The following HEBP1 variants were observed in gnomAD, a reference collection of about 807,000 sequenced individuals.
HEBP1 encodes heme-binding protein 1.
HEBP1 carries 13 observed loss-of-function variants against 20.4 expected under a neutral mutation model. The observed-to-expected ratio is 0.64, with a 90% confidence interval of 0.42 to 1.01. HEBP1 has a LOEUF of 1.01. HEBP1 is among the 50% of genes least tolerant of loss of function. The pLI is 0.00. For synonymous variants in HEBP1, 92 were observed against 90.7 expected, an observed-to-expected ratio of 1.01 and a Z score of -0.08; for missense variants, 241 against 247.3, an observed-to-expected ratio of 0.97 and a Z score of 0.17.
chr12:12,987,481 G>A (rs1864166584), intron 2 of HEBP1, 149 bp from the exon 3 acceptor site: 1 of 622,338 alleles, frequency 1.6e-6, no homozygotes, highest in South Asian at 2.2e-5. Flanking sequence ...TAAAAATACA[G>A]AAATACATGA....
At position 12,996,835 on chromosome 12, in the gene HEBP1, GTT is replaced by G. The variant is rs989948927; in HGVS notation, c.78+3200_78+3201del. ...TCCAACCAAGTACTAACATTGAACA[GTT>G]TTATAATTGGTTATCTCATTTGAAC... On this transcript the variant is annotated intron_variant, in intron 1 of 3. Transcript: ENST00000014930. The surrounding 1 kb of genome is among the most constrained non-coding windows in gnomAD (Gnocchi z 4.1). Among the ~76,000 whole-genome samples the G allele has an allele frequency of 2.6e-5, 4 of 152,090 alleles. No individual in the cohort carries two copies. Among genetic ancestry groups the G allele is most frequent in the African/African-American group, 9.7e-5 (4 of 41,404 alleles).
Position 12,983,118 on chromosome 12 carries a change from A to G in HEBP1, c.398+4034T>C, listed in dbSNP as rs545536884. 5.3e-5 allele frequency among the ~76,000 whole-genome samples: 8 copies of G among 152,338 alleles called. No individual in the cohort carries two copies. In the East Asian group the frequency reaches 1.5e-3, roughly 29 times the overall value. On this transcript the variant is annotated intron_variant, in intron 3 of 3. Coordinates refer to ENST00000014930, the MANE Select transcript of HEBP1 (RefSeq NM_015987.5). Reference sequence around the variant, plus strand: ...CCAACTTTTTCCTTTATATCTAGACATTTCATTTAAACCGTGAAAGTTTCA... The same window carrying G: ...CCAACTTTTTCCTTTATATCTAGACGTTTCATTTAAACCGTGAAAGTTTCA...
At chr12:12,989,016 C>G (rs1484978154) in intron 2 of HEBP1, among the ~76,000 whole-genome samples, 1 of 152,172 alleles carries the variant, frequency 6.6e-6, no homozygotes, top group Non-Finnish European at 1.5e-5. Context: ...GCCTATGGTC[C>G]CACACCTGGG....
intron 3 of HEBP1, among the ~76,000 whole-genome samples, chr12:12,981,795 C>T (rs978680653): frequency 9.9e-5 from 15 of 152,156 alleles, no homozygotes; most frequent in African/African-American, 3.6e-4. Context: ...TTGTCTCAGG[C>T]TCCATGCTGA....
intron 3 of HEBP1, among the ~76,000 whole-genome samples, chr12:12,976,077 C>CAAAAA (rs56110606): frequency 0.011 from 946 of 85,494 alleles, 10 homozygotes; most frequent in Middle Eastern, 0.02. Flanking sequence ...GACCCTGTGT[C>CAAAAA]AAAAAAAAAA....
At chr12:12,999,166 T>C (rs1195865337) in intron 1 of HEBP1, among the ~76,000 whole-genome samples, 3 of 152,236 alleles carry the variant, frequency 2.0e-5, no homozygotes, top group Non-Finnish European at 4.4e-5. Context: ...TTATCTATAG[T>C]AGATACCTTC....
At position 12,986,044 on chromosome 12, in the gene HEBP1, C is replaced by T. The variant is rs1307575128; in HGVS notation, c.398+1108G>A. The T allele has an allele frequency of 6.6e-6, 1 of 152,214 alleles. No homozygotes were observed. The highest frequency in any genetic ancestry group is 2.4e-5 in the African/African-American group (1 of 41,464). The allele number at this position is 152,214 out of a possible 1,614,324, so 9.4% of individuals were successfully genotyped here. ...AGAGTGAGTGCTTCCTTAAATGCTG[C>T]ACCCAAGGTGCATCTCCACCCTAGG... On this transcript the variant is annotated intron_variant, in intron 3 of 3. Coordinates refer to ENST00000014930, the MANE Select transcript of HEBP1 (RefSeq NM_015987.5). This position sits in a 1 kb window ranked among gnomAD's most constrained non-coding sequence, Gnocchi z 4.3.
rs755428191 is a variant in HEBP1, at chr12:13,000,053, A to C, written c.62T>G (p.Leu21Arg). Residue 21 changes from leucine to arginine, a missense_variant, in exon 1 of 4, where the codon CTA becomes CGA. Coordinates refer to ENST00000014930, the MANE Select transcript of HEBP1 (RefSeq NM_015987.5). Reference protein sequence around the residue: ...GSVETWPWQVLSKGDKEEVAY... With the variant: ...GSVETWPWQVRSKGDKEEVAY... ...CGGGCCTACCTTGTCCCCTTTGCTT[A>C]GGACCTGCCAAGGCCACGTCTCTAC... 6.2e-7 allele frequency: 1 copy of C among 1,612,062 alleles called. No individual in the cohort carries two copies. The highest frequency in any genetic ancestry group is 2.2e-5 in the East Asian group (1 of 44,798).
At chr12:12,992,765 C>G (rs1380301352) in intron 1 of HEBP1, among the ~76,000 whole-genome samples, 2 of 152,134 alleles carry the variant, frequency 1.3e-5, no homozygotes, top group Non-Finnish European at 2.9e-5. Flanking sequence ...TCCAGAACTC[C>G]CCTTTCATTT....
chr12:13,000,070 C>T lies in HEBP1; in HGVS notation c.45G>A (p.Thr15=), dbSNP rs757002341. Residue 15 remains threonine, a synonymous_variant, in exon 1 of 4, where the codon ACG becomes ACA. Coordinates refer to ENST00000014930, the MANE Select transcript of HEBP1 (RefSeq NM_015987.5). ...IKNSLFGSVE[T]WPWQVLSKGD... ...CTTTGCTTAGGACCTGCCAAGGCCA[C>T]GTCTCTACGCTTCCGAACAGCGAGT... 3.1e-6 allele frequency: 5 copies of T among 1,612,606 alleles called. No individual in the cohort carries two copies. Among genetic ancestry groups the T allele is most frequent in the African/African-American group, 1.3e-5 (1 of 75,032 alleles).
At position 12,975,390 on chromosome 12, in the gene HEBP1, C is replaced by A; in HGVS notation, c.488G>T (p.Gly163Val). 1.9e-6 allele frequency: 3 copies of A among 1,613,870 alleles called. No homozygotes were observed. The highest frequency in any genetic ancestry group is 2.5e-6 in the Non-Finnish European group (3 of 1,179,880). The change falls in exon 4 of 4, where the codon GGG (glycine) becomes GTG (valine). Residue 163 changes from glycine (G) to valine (V), a missense_variant. By Grantham distance (109) the Gly-to-Val change is moderately radical. Transcript: ENST00000014930. ...AALEGTATYR[G>V]DIYFCTGYDP... is the part of the protein sequence containing the mutation. ...ATAACCCGTGCAGAAGTAGATGTCC[C>A]CCCGGTAGGTGGCTGTGCCCTCCAG...
In HEBP1 at chr12:12,987,332, C is replaced by G. The variant is rs1431184995; in HGVS notation, c.218G>C (p.Gly73Ala). The change falls in exon 3 of 4, where the codon GGA becomes GCA. Residue 73 changes from glycine to alanine, a missense_variant and splice_region_variant. Physicochemically the swap from Gly to Ala is moderately conservative, Grantham distance 60 (BLOSUM62 0). Coordinates refer to ENST00000014930, the MANE Select transcript of HEBP1 (RefSeq NM_015987.5). ...AKYAGGTNDK[G>A]IGMGMTVPIS... ...AGGGACTGTCATCCCCATCCCAATT[C>G]CTGAAAACACAAAAGCACAGAGTGA... is the stretch of plus-strand genomic sequence containing the variant. 2 of 1,611,634 alleles carry G rather than the reference C, an allele frequency of 1.2e-6. No individual in the cohort carries two copies. Among genetic ancestry groups the G allele is most frequent in the Non-Finnish European group, 1.7e-6 (2 of 1,178,560 alleles).
chr12:12,983,587 A>T (rs1864114018), intron 3 of HEBP1: 1 of 417,706 alleles, frequency 2.4e-6, no homozygotes, highest in Non-Finnish European at 4.9e-6. Flanking sequence ...AATCAGAAAT[A>T]ACACAAACCA....
intron 3 of HEBP1, chr12:12,983,763 A>G (rs1227613372): frequency 4.4e-6 from 2 of 456,068 alleles, no homozygotes; most frequent in East Asian, 1.4e-4. Flanking sequence ...AATTAAAAGG[A>G]AATGGTCACC....
intron 3 of HEBP1, among the ~76,000 whole-genome samples, chr12:12,982,367 T>A (rs1157412627): frequency 6.6e-6 from 1 of 152,132 alleles, no homozygotes; most frequent in Admixed American, 6.5e-5. Context: ...CAAAGCAGGG[T>A]GCTAAGACTG....
intron 3 of HEBP1, chr12:12,979,460 C>T (rs896024206): frequency 1.3e-5 from 2 of 152,564 alleles, no homozygotes; most frequent in Admixed American, 1.3e-4. Context: ...AAACTGAACC[C>T]TACCCGGAAT....
At chr12:13,000,003 A>G (rs1409873438) in intron 1 of HEBP1, 34 bp downstream of exon 1, 2 of 1,506,174 alleles carry the variant, frequency 1.3e-6, no homozygotes, top group Non-Finnish European at 1.8e-6. Flanking sequence ...GGAGGCAGCA[A>G]TCCTTCAGGT....
At chr12:12,997,185 T>C (rs1184328743) in intron 1 of HEBP1, among the ~76,000 whole-genome samples, 1 of 152,158 alleles carries the variant, frequency 6.6e-6, no homozygotes, top group Non-Finnish European at 1.5e-5. Context: ...CATATTCCCA[T>C]CAAACACTGA....
chr12:12,980,759 G>A lies in HEBP1; in HGVS notation c.399-5280C>T, dbSNP rs552778010. On this transcript the variant is annotated intron_variant, in intron 3 of 3. Coordinates refer to ENST00000014930, the MANE Select transcript of HEBP1 (RefSeq NM_015987.5). The stretch of plus-strand genomic sequence containing the variant: ...GGAGTGGTGCTATGTGTGGAGGGTG[G>A]TCAGTGCCATCACAGGGCATTTTTA... Among the ~76,000 whole-genome samples, 57 of 152,290 alleles carry A rather than the reference G, an allele frequency of 3.7e-4. 1 individual carries two copies. Among genetic ancestry groups the A allele is most frequent in the African/African-American group, 1.3e-3 (54 of 41,568 alleles).
Sources: allele counts gnomAD v4.1 joint callset (sites outside exome capture counted in the v4.1 genomes callset), GRCh38; gene constraint gnomAD v4.1.1; non-coding constraint Gnocchi (gnomAD v3.1); transcripts MANE v1.5; gene names NCBI Gene and HGNC (gene_info 2026-07-23, HGNC 2026-07-21).